Variants in ADAD1 observed in about 807,000 individuals in gnomAD.
The protein encoded by ADAD1 is adenosine deaminase domain containing 1, also known as adenosine deaminase domain-containing protein 1.
A neutral mutation model predicts 66.8 loss-of-function variants in ADAD1; 46 were observed. The observed-to-expected ratio is 0.69, with a 90% CI of 0.54 to 0.88. ADAD1 has a LOEUF of 0.88. ADAD1 is among the 40% of genes least tolerant of loss of function. The probability of loss-of-function intolerance (pLI) is 0.00; values close to 1 mark genes in which losing one functional copy is unlikely to be tolerated. For synonymous variants in ADAD1, 248 were observed against 229.4 expected (o/e 1.08, Z -0.73); for missense variants, 617 against 681.8 (o/e 0.91, Z 1.06).
At chr4:122,398,036 T>C (rs1475091728) in intron 7 of ADAD1, among the ~76,000 whole-genome samples, 1 of 152,166 alleles carries the variant, frequency 6.6e-6, no homozygotes, top group African/African-American at 2.4e-5. Context: ...GGGTGGTGTT[T>C]GGTTATAGGG....
intron 5 of ADAD1, among the ~76,000 whole-genome samples, chr4:122,389,183 G>A (rs1371810779): frequency 6.6e-6 from 1 of 152,192 alleles, no homozygotes; most frequent in Non-Finnish European, 1.5e-5. Context: ...TTTTGAGTGA[G>A]TTTCTTAATC....
At chr4:122,384,419 C>T (rs1255584620) in intron 5 of ADAD1, among the ~76,000 whole-genome samples, 1 of 152,082 alleles carries the variant, frequency 6.6e-6, no homozygotes, top group African/African-American at 2.4e-5. Flanking sequence ...TTCGATTGCT[C>T]AGGTTGGAAT....
intron 12 of ADAD1, among the ~76,000 whole-genome samples, chr4:122,429,004 A>G (rs1384534318): frequency 6.6e-6 from 1 of 152,154 alleles, no homozygotes; most frequent in African/African-American, 2.4e-5. Flanking sequence ...ATCTACCACC[A>G]TTAGTTTTAT....
chr4:122,427,025 C>T (rs1363184088), intron 12 of ADAD1, among the ~76,000 whole-genome samples: 1 of 152,172 alleles, frequency 6.6e-6, no homozygotes, highest in African/African-American at 2.4e-5. Flanking sequence ...TAAAAGGTAC[C>T]TATACTGTAA....
At chr4:122,406,354 G>A (rs1223805646) in intron 7 of ADAD1, among the ~76,000 whole-genome samples, 1 of 152,082 alleles carries the variant, frequency 6.6e-6, no homozygotes, top group African/African-American at 2.4e-5. Flanking sequence ...CTGTTTGTAT[G>A]TCTTCTATAA....
chr4:122,406,742 T>C lies in ADAD1; in HGVS notation c.725-1166T>C, dbSNP rs545531657. The stretch of plus-strand genomic sequence containing the variant: ...TTTGCCCAGGAGAGAAATAGTCTTC[T>C]GTCTTTGCCCAGGGCAGTGTGCACG... On this transcript the variant is annotated intron_variant, in intron 7 of 12. Coordinates refer to ENST00000296513, the MANE Select transcript of ADAD1 (RefSeq NM_139243.4). Among the ~76,000 whole-genome samples, 5 of 152,242 alleles carry C rather than the reference T, an allele frequency of 3.3e-5. No homozygotes were observed. The South Asian group carries it at 1.0e-3, about 32-fold the overall frequency.
chr4:122,405,730 T>G (rs1796178356), intron 7 of ADAD1, among the ~76,000 whole-genome samples: 1 of 152,202 alleles, frequency 6.6e-6, no homozygotes, highest in South Asian at 2.1e-4. Context: ...GATCAATGTG[T>G]CTCCATTTCC....
At chr4:122,422,058 G>A (rs1448328606) in intron 12 of ADAD1, among the ~76,000 whole-genome samples, 1 of 151,328 alleles carries the variant, frequency 6.6e-6, no homozygotes, top group Non-Finnish European at 1.5e-5. Context: ...TAAAAATAAG[G>A]CCATATTGGG....
At chr4:122,412,908 T>C in intron 10 of ADAD1, 99 bp downstream of exon 10, 1 of 971,648 alleles carries the variant, frequency 1.0e-6, no homozygotes, top group Non-Finnish European at 1.5e-6. Flanking sequence ...TTTGCATACG[T>C]GAAACTTTAT....
intron 7 of ADAD1, among the ~76,000 whole-genome samples, chr4:122,405,425 T>G (rs1796162252): frequency 6.6e-6 from 1 of 152,196 alleles, no homozygotes; most frequent in African/African-American, 2.4e-5. Context: ...TTTTTTCTTT[T>G]TCTCCACTAC....
chr4:122,397,547 G>A (rs907596823), intron 7 of ADAD1, among the ~76,000 whole-genome samples: 3 of 152,088 alleles, frequency 2.0e-5, no homozygotes, highest in Non-Finnish European at 4.4e-5. Context: ...TAAGATAAAT[G>A]AATATTTAAA....
Position 122,429,742 on chromosome 4 carries a change from T to A in ADAD1, c.*3T>A. 6.4e-7 allele frequency: 1 copy of A among 1,565,632 alleles called. No homozygotes were observed. Among genetic ancestry groups the A allele is most frequent in the East Asian group, 2.3e-5 (1 of 44,410 alleles). On this transcript the variant is annotated 3_prime_UTR_variant, in exon 13 of 13. Transcript: ENST00000296513. Reference sequence around the variant, plus strand: ...GCATAGAGCAATTTAACATGTGAAATAGGCAATCCATTATCACATTAAAAA... The same window carrying A: ...GCATAGAGCAATTTAACATGTGAAAAAGGCAATCCATTATCACATTAAAAA...
intron 11 of ADAD1, among the ~76,000 whole-genome samples, chr4:122,416,418 A>T (rs1053239434): frequency 6.6e-6 from 1 of 152,180 alleles, no homozygotes; most frequent in African/African-American, 2.4e-5. Context: ...GGAGAAATTT[A>T]AATGAAGACC....
At chr4:122,418,378 C>A (rs1259655082) in intron 11 of ADAD1, among the ~76,000 whole-genome samples, 1 of 140,838 alleles carries the variant, frequency 7.1e-6, no homozygotes. Flanking sequence ...GGCGCGATAT[C>A]GGCTCACTGC....
chr4:122,407,919 G>A lies in ADAD1; in HGVS notation c.736G>A (p.Glu246Lys). 6.2e-7 allele frequency: 1 copy of A among 1,613,136 alleles called. No individual in the cohort carries two copies. The highest frequency in any genetic ancestry group is 8.5e-7 in the Non-Finnish European group (1 of 1,179,480). Residue 246 changes from glutamate (E) to lysine (K), a missense_variant, in exon 8 of 13, where the codon GAG becomes AAG. Coordinates refer to ENST00000296513, the MANE Select transcript of ADAD1 (RefSeq NM_139243.4). ...AFIIERAGQHEVVAIGTGEYN... is the reference protein window; with the variant it reads ...AFIIERAGQHKVVAIGTGEYN... ...CCTTTTTCTTTCAGCTGGACAACAT[G>A]AGGTTGTAGCTATAGGCACAGGTGA...
intron 4 of ADAD1, among the ~76,000 whole-genome samples, chr4:122,382,905 A>C (rs978110410): frequency 6.6e-5 from 10 of 152,302 alleles, no homozygotes; most frequent in Non-Finnish European, 1.5e-4. Flanking sequence ...TAAAACCTAG[A>C]TGTACATATT....
intron 11 of ADAD1, among the ~76,000 whole-genome samples, chr4:122,417,956 C>T (rs1796817752): frequency 6.6e-6 from 1 of 152,044 alleles, no homozygotes; most frequent in Non-Finnish European, 1.5e-5. Context: ...GAAAATATTA[C>T]ATATCAGAAC....
intron 11 of ADAD1, among the ~76,000 whole-genome samples, chr4:122,416,700 T>G (rs1038972682): frequency 2.0e-5 from 3 of 151,150 alleles, no homozygotes; most frequent in African/African-American, 7.3e-5. Flanking sequence ...ATCACTGCAC[T>G]CCAGCCTGGG....
intron 12 of ADAD1, among the ~76,000 whole-genome samples, chr4:122,425,816 G>A (rs967540198): frequency 6.6e-6 from 1 of 151,800 alleles, no homozygotes; most frequent in African/African-American, 2.4e-5. Flanking sequence ...GGGGGTCCTC[G>A]AACCAATTCC....
Sources: gnomAD v4.1 joint callset for allele counts (sites outside exome capture counted in the v4.1 genomes callset) on GRCh38, gnomAD v4.1.1 for gene constraint, MANE v1.5 for transcripts, NCBI Gene and HGNC (gene_info 2026-07-23, HGNC 2026-07-21) for gene names.